Variants in CRYBG1 observed in about 807,000 individuals in gnomAD.
CRYBG1 encodes the protein beta/gamma crystallin domain-containing protein 1.
Under a neutral mutation model 189.2 loss-of-function variants are expected in CRYBG1, and 139 were observed. The observed-to-expected ratio is 0.73, with a 90% CI of 0.64 to 0.85. The LOEUF is 0.85. Ranked by LOEUF, CRYBG1 falls within the 40% of genes least tolerant of loss-of-function variation. CRYBG1 has a pLI of 0.00. For missense variants in CRYBG1, 2,611 were observed against 2,675.8 expected, an observed-to-expected ratio of 0.98 and a Z score of 0.53; for synonymous variants, 1,023 against 1,017.1, an observed-to-expected ratio of 1.01 and a Z score of -0.11.
intron 2 of CRYBG1, among the ~76,000 whole-genome samples, chr6:106,498,417 G>A (rs889923930): frequency 8.5e-5 from 13 of 152,120 alleles, no homozygotes; most frequent in African/African-American, 1.2e-4. Flanking sequence ...CCATAATCCC[G>A]AATGGGGTTG....
At chr6:106,407,102 G>A (rs1215295689) in intron 1 of CRYBG1, among the ~76,000 whole-genome samples, 1 of 152,074 alleles carries the variant, frequency 6.6e-6, no homozygotes, top group Non-Finnish European at 1.5e-5. Flanking sequence ...ATTGAATAAA[G>A]AATCAAGACC....
At chr6:106,494,303 T>C (rs1772793070) in intron 2 of CRYBG1, among the ~76,000 whole-genome samples, 1 of 152,178 alleles carries the variant, frequency 6.6e-6, no homozygotes, top group South Asian at 2.1e-4. Flanking sequence ...GTTCTGGAGA[T>C]CTATTCTACA....
intron 20 of CRYBG1, among the ~76,000 whole-genome samples, chr6:106,562,562 C>T (rs1582843194): frequency 6.6e-6 from 1 of 152,310 alleles, no homozygotes; most frequent in East Asian, 1.9e-4. Flanking sequence ...TCTCGGCTCA[C>T]TTCAACCTGT....
Position 106,556,137 on chromosome 6 carries a change from T to A in CRYBG1, c.5715+240T>A, listed in dbSNP as rs12524961. 2.6e-5 allele frequency among the ~76,000 whole-genome samples: 4 copies of A among 152,132 alleles called. No individual in the cohort carries two copies. In the East Asian group the frequency reaches 5.8e-4, roughly 22 times the overall value. On this transcript the variant is annotated intron_variant, in intron 17 of 21. Coordinates refer to ENST00000633556, the MANE Select transcript of CRYBG1 (RefSeq NM_001371242.2). ...ATCCCTATGGACCTGAGTGGGAGTC[T>A]CTTGGACTATATATTAGGAGTAGAA...
chr6:106,512,510 A>G lies in CRYBG1; in HGVS notation c.1393A>G (p.Lys465Glu). Residue 465 changes from lysine (K) to glutamate (E), a missense_variant, in exon 3 of 22, where the codon AAG becomes GAG. Lys to Glu is a moderately conservative substitution (Grantham distance 56). Around this residue, in one of 3 missense-constraint regions of CRYBG1, gnomAD observed 985 missense variants for 924.4 expected, o/e 1.07. Transcript: ENST00000633556. ...GGCCAGCGATAACGCCTCGGCGGAA[A>G]AGAAAGTGAAATCTCCGCGGGCAGC... is the stretch of plus-strand genomic sequence containing the variant. Reference protein sequence around the residue: ...NAASDNASAEKKVKSPRAALD... With the variant: ...NAASDNASAEEKVKSPRAALD... 1 of 1,611,032 alleles carries G rather than the reference A, an allele frequency of 6.2e-7. No individual in the cohort carries two copies. Among genetic ancestry groups the G allele is most frequent in the Non-Finnish European group, 8.5e-7 (1 of 1,179,128 alleles).
intron 2 of CRYBG1, among the ~76,000 whole-genome samples, chr6:106,478,739 T>C (rs546733756): frequency 6.6e-6 from 1 of 152,292 alleles, no homozygotes; most frequent in East Asian, 1.9e-4. Flanking sequence ...TCATCTGTAT[T>C]TACAGCCATT....
At chr6:106,481,035 G>A (rs1223630515) in intron 2 of CRYBG1, among the ~76,000 whole-genome samples, 2 of 77,894 alleles carry the variant, frequency 2.6e-5, no homozygotes, top group African/African-American at 1.2e-4. Flanking sequence ...GTGCAGTGGC[G>A]GGATCTCGGC....
chr6:106,568,656 T>C lies in CRYBG1; in HGVS notation c.*90T>C, dbSNP rs1034133721. On this transcript the variant is annotated 3_prime_UTR_variant, in exon 22 of 22. Coordinates refer to ENST00000633556, the MANE Select transcript of CRYBG1 (RefSeq NM_001371242.2). ...GCTGATGGAAGACCAGACTGGAAAG[T>C]GGATCGACTCCTCCTTCATTGATTC... 1.0e-5 allele frequency: 9 copies of C among 879,268 alleles called. No individual in the cohort carries two copies. The highest frequency in any genetic ancestry group is 1.0e-4 in the African/African-American group (6 of 59,686). The allele number at this position is 879,268 out of a possible 1,614,324, so 54.5% of individuals were successfully genotyped here.
chr6:106,511,526 G>A lies in CRYBG1; in HGVS notation c.409G>A (p.Gly137Arg). Residue 137 changes from glycine (G) to arginine (R), a missense_variant, in exon 3 of 22, where the codon GGG (glycine) becomes AGG (arginine). Gly to Arg is a moderately radical substitution (Grantham distance 125). Transcript: ENST00000633556. ...TAGRRRNSRNGLESPTRSNAK... is the reference protein window; with the variant it reads ...TAGRRRNSRNRLESPTRSNAK... ...AGGAAGGAGAAGAAACAGTAGAAAC[G>A]GGTTAGAGAGTCCCACCAGATCAAA... 2 of 1,535,676 alleles carry A rather than the reference G, an allele frequency of 1.3e-6. No individual in the cohort carries two copies. Among genetic ancestry groups the A allele is most frequent in the Non-Finnish European group, 1.7e-6 (2 of 1,146,568 alleles).
rs1245876190 is a variant in CRYBG1, at chr6:106,525,288, C to T, written c.4314C>T (p.Pro1438=). 5.0e-6 allele frequency: 8 copies of T among 1,613,882 alleles called. No individual in the cohort carries two copies. The highest frequency in any genetic ancestry group is 3.3e-5 in the South Asian group (3 of 91,094). The change falls in exon 6 of 22, where the codon CCC becomes CCT. Residue 1438 remains proline (P), a synonymous_variant. Transcript: ENST00000633556. ...RPGKVVIYSE[P]DVSEKCIEVF... ...TGCAGGTAGTGATATATAGTGAACC[C>T]GACGTCTCTGAGAAGTGCATTGAAG...
At chr6:106,482,785 AATC>A (rs151273802) in intron 2 of CRYBG1, among the ~76,000 whole-genome samples, 2 of 148,066 alleles carry the variant, frequency 1.4e-5, no homozygotes, top group South Asian at 2.1e-4. Flanking sequence ...AAAAAATAAT[AATC>A]ATAAAAAAGT....
At chr6:106,491,770 C>T (rs1257391793) in intron 2 of CRYBG1, among the ~76,000 whole-genome samples, 2 of 152,168 alleles carry the variant, frequency 1.3e-5, no homozygotes, top group Admixed American at 6.5e-5. Context: ...CTTTCTCCAA[C>T]ACTGCTGCAG....
chr6:106,368,058 A>T (rs893719078), intron 1 of CRYBG1, among the ~76,000 whole-genome samples: 1 of 152,180 alleles, frequency 6.6e-6, no homozygotes, highest in Admixed American at 6.6e-5. Context: ...CATATTAGAT[A>T]TTGAAATAGT....
At chr6:106,496,600 T>G (rs1286445742) in intron 2 of CRYBG1, among the ~76,000 whole-genome samples, 3 of 152,186 alleles carry the variant, frequency 2.0e-5, no homozygotes, top group African/African-American at 7.2e-5. Context: ...GATATTTTGG[T>G]CAACCATCTT....
intron 2 of CRYBG1, among the ~76,000 whole-genome samples, chr6:106,495,327 T>G (rs1772821893): frequency 6.6e-6 from 1 of 151,986 alleles, no homozygotes; most frequent in Non-Finnish European, 1.5e-5. Flanking sequence ...GTAAGAAGAT[T>G]GATATGGTAA....
intron 1 of CRYBG1, among the ~76,000 whole-genome samples, chr6:106,444,607 A>G (rs1771628960): frequency 6.6e-6 from 1 of 152,220 alleles, no homozygotes; most frequent in Non-Finnish European, 1.5e-5. Context: ...TTCGTTAATC[A>G]TGTGGAGTGA....
At chr6:106,444,989 C>G (rs1771638255) in intron 1 of CRYBG1, among the ~76,000 whole-genome samples, 1 of 151,964 alleles carries the variant, frequency 6.6e-6, no homozygotes, top group Non-Finnish European at 1.5e-5. Flanking sequence ...ACAAAACAAA[C>G]AAACAAACAG....
chr6:106,544,626 G>C lies in CRYBG1; in HGVS notation c.5095G>C (p.Gly1699Arg). The change falls in exon 12 of 22, where the codon GGA (glycine) becomes CGA (arginine). Residue 1699 changes from glycine (G) to arginine (R), a missense_variant. Transcript: ENST00000633556. ...FTGHQYLLEE[G>R]EYRDWKAWGG... is the part of the protein sequence containing the mutation. ...CGGTCATCAGTATTTGCTAGAAGAA[G>C]GAGAATACAGGGACTGGAAAGCCTG... is the stretch of plus-strand genomic sequence containing the variant. The C allele has an allele frequency of 1.2e-6, 2 of 1,614,074 alleles. No homozygotes were observed. The highest frequency in any genetic ancestry group is 1.7e-6 in the Non-Finnish European group (2 of 1,179,942).
Position 106,512,736 on chromosome 6 carries a change from C to G in CRYBG1, c.1619C>G (p.Ser540Cys). The change falls in exon 3 of 22, where the codon TCC becomes TGC. Residue 540 changes from serine (S) to cysteine (C), a missense_variant. Physicochemically the swap from Ser to Cys is moderately radical, Grantham distance 112. Transcript: ENST00000633556. ...ASGPRAPAKE[S>C]PPKRVPDPSP... The stretch of plus-strand genomic sequence containing the variant: ...GGCCCCCGGGCTCCCGCCAAGGAGT[C>G]CCCACCCAAGAGGGTGCCCGATCCC... The G allele has an allele frequency of 6.4e-7, 1 of 1,567,116 alleles. No individual in the cohort carries two copies. The highest frequency in any genetic ancestry group is 8.6e-7 in the Non-Finnish European group (1 of 1,156,474).
Sources: allele counts gnomAD v4.1 joint callset (sites outside exome capture counted in the v4.1 genomes callset), GRCh38; gene constraint gnomAD v4.1.1; regional missense constraint gnomAD v4.1.1; transcripts MANE v1.5; gene names NCBI Gene and HGNC (gene_info 2026-07-23, HGNC 2026-07-21).